The following AGMO variants were observed in gnomAD, a reference collection of about 807,000 sequenced individuals.
AGMO encodes the protein glyceryl-ether monooxygenase.
AGMO carries 75 observed loss-of-function variants against 60.2 expected under a neutral mutation model. That is an observed-to-expected ratio of 1.25 (90% confidence interval 1.03 to 1.51). The LOEUF (loss-of-function observed/expected upper bound fraction) is 1.51, where lower values mean the gene tolerates loss of function less well. AGMO is among the 40% of genes most tolerant of loss of function. AGMO has a pLI of 0.00. For missense variants in AGMO, 763 were observed against 525.5 expected (o/e 1.45, Z -4.42); for synonymous variants, 261 against 177.1 (o/e 1.47, Z -3.76).
intron 3 of AGMO, among the ~76,000 whole-genome samples, chr7:15,505,045 T>A (rs898712487): frequency 2.0e-5 from 3 of 151,978 alleles, no homozygotes; most frequent in African/African-American, 7.2e-5. Flanking sequence ...CCAATTTTAA[T>A]TTCATGACTA....
At chr7:15,333,474 T>C (rs897014535) in intron 12 of AGMO, among the ~76,000 whole-genome samples, 2 of 152,016 alleles carry the variant, frequency 1.3e-5, no homozygotes, top group Non-Finnish European at 2.9e-5. Context: ...AGAGTCCTTA[T>C]GTTTCTTTTG....
At chr7:15,537,212 G>A (rs536781847) in intron 3 of AGMO, among the ~76,000 whole-genome samples, 340 of 151,980 alleles carry the variant, frequency 2.2e-3, no homozygotes, top group Non-Finnish European at 3.4e-3. Context: ...CTTGGTTCCT[G>A]GACTTTCAAA....
chr7:15,155,419 CTTTTTTTTTTTT>C, the AGMO span, among the ~76,000 whole-genome samples: 122 of 63,930 alleles, frequency 1.9e-3, no homozygotes, highest in East Asian at 0.01. Context: ...TACAGAATTT[CTTTTTTTTTTTT>C]TTTTTTTTTT....
At chr7:15,280,451 CAGAA>C (rs905490922) in intron 12 of AGMO, among the ~76,000 whole-genome samples, 7 of 152,198 alleles carry the variant, frequency 4.6e-5, no homozygotes, top group Non-Finnish European at 8.8e-5. Context: ...GCCCTGGAAG[CAGAA>C]AGCCAGAGTG....
intron 12 of AGMO, among the ~76,000 whole-genome samples, chr7:15,220,918 G>C (rs1781899748): frequency 6.6e-6 from 1 of 152,066 alleles, no homozygotes; most frequent in Non-Finnish European, 1.5e-5. Flanking sequence ...GGCTGAAAAT[G>C]ATGATGCTAT....
intron 12 of AGMO, among the ~76,000 whole-genome samples, chr7:15,313,041 G>A (rs1780815011): frequency 1.3e-5 from 2 of 152,124 alleles, no homozygotes; most frequent in South Asian, 4.1e-4. Context: ...AATAAAGAAT[G>A]CAGAGAAAGA....
chr7:15,172,798 C>T, the AGMO span, among the ~76,000 whole-genome samples: 148 of 152,230 alleles, frequency 9.7e-4, no homozygotes, highest in Middle Eastern at 0.02. Context: ...AGTTGAGCGT[C>T]GCGGAGACTT....
intron 6 of AGMO, among the ~76,000 whole-genome samples, chr7:15,392,977 G>T (rs905310060): frequency 2.0e-5 from 3 of 152,204 alleles, no homozygotes; most frequent in Admixed American, 2.0e-4. Context: ...ATCTCACATG[G>T]TTTATGGAAT....
chr7:15,550,736 G>T (rs1424039699), intron 2 of AGMO, among the ~76,000 whole-genome samples: 1 of 141,062 alleles, frequency 7.1e-6, no homozygotes, highest in African/African-American at 2.7e-5. Flanking sequence ...TCTACCAGAG[G>T]TACAAGGAGG....
At chr7:15,319,104 T>C (rs925274579) in intron 12 of AGMO, among the ~76,000 whole-genome samples, 1 of 152,178 alleles carries the variant, frequency 6.6e-6, no homozygotes, top group African/African-American at 2.4e-5. Context: ...CTTTGTCTTA[T>C]TTCTATTTTT....
chr7:15,133,345 G>GT, the AGMO span, among the ~76,000 whole-genome samples: 1,063 of 152,258 alleles, frequency 7.0e-3, 7 homozygotes, highest in Non-Finnish European at 0.012. Flanking sequence ...GTGGACAATT[G>GT]TTTTCAACAA....
the AGMO span, among the ~76,000 whole-genome samples, chr7:15,158,735 CTTAT>C: frequency 6.6e-6 from 1 of 152,128 alleles, no homozygotes; most frequent in Admixed American, 6.5e-5. Flanking sequence ...TTGATTGCCT[CTTAT>C]TTGTTTCCTG....
intron 4 of AGMO, among the ~76,000 whole-genome samples, chr7:15,424,988 G>T (rs1006132905): frequency 3.3e-5 from 5 of 152,134 alleles, no homozygotes; most frequent in African/African-American, 1.2e-4. Context: ...GTAATAAAAA[G>T]ATCTGAGATT....
chr7:15,551,006 G>C (rs1255496396), intron 2 of AGMO, among the ~76,000 whole-genome samples: 3 of 143,014 alleles, frequency 2.1e-5, no homozygotes, highest in Admixed American at 1.4e-4. Context: ...TGCAAGGCTG[G>C]TTCAATATAC....
intron 12 of AGMO, among the ~76,000 whole-genome samples, chr7:15,322,336 TA>T (rs1310490900): frequency 4.8e-5 from 7 of 145,564 alleles, no homozygotes; most frequent in Middle Eastern, 3.6e-3. Flanking sequence ...ATATATGCCA[TA>T]CCAGTTGGGA....
At chr7:15,290,396 T>C (rs1055365866) in intron 12 of AGMO, among the ~76,000 whole-genome samples, 2 of 152,160 alleles carry the variant, frequency 1.3e-5, no homozygotes, top group African/African-American at 4.8e-5. Context: ...ATAGAAAATT[T>C]TCTAGGATAT....
the AGMO span, among the ~76,000 whole-genome samples, chr7:15,191,960 C>T: frequency 1.4e-5 from 1 of 74,072 alleles, no homozygotes; most frequent in Non-Finnish European, 2.5e-5. Flanking sequence ...CTCACTCTCC[C>T]TCTGTCTCTC....
chr7:15,340,170 T>C (rs533235261), intron 12 of AGMO, among the ~76,000 whole-genome samples: 2 of 152,326 alleles, frequency 1.3e-5, no homozygotes, highest in Admixed American at 1.3e-4. Flanking sequence ...ATACACGTTA[T>C]ACACATAGCC....
intron 12 of AGMO, among the ~76,000 whole-genome samples, chr7:15,255,481 C>A (rs190632948): frequency 2.0e-5 from 3 of 146,932 alleles, no homozygotes; most frequent in African/African-American, 7.7e-5. Flanking sequence ...TGCATTCTTC[C>A]GAATTCCCTC....
Sources: allele counts gnomAD v4.1 joint callset (sites outside exome capture counted in the v4.1 genomes callset), GRCh38; gene constraint gnomAD v4.1.1; transcripts MANE v1.5; gene names NCBI Gene and HGNC (gene_info 2026-07-23, HGNC 2026-07-21).